Variants in TMTC1 observed in about 807,000 individuals in gnomAD.
TMTC1 encodes the protein transmembrane O-mannosyltransferase targeting cadherins 1.
In TMTC1, 73 loss-of-function variants were observed where a neutral mutation model predicts 104.8. That is an observed-to-expected ratio of 0.70 (90% CI 0.58 to 0.85). The LOEUF (loss-of-function observed/expected upper bound fraction) is 0.85. Among genes scored for constraint, TMTC1 ranks in the 40% least tolerant of loss-of-function variants. The pLI is 0.00. For synonymous variants in TMTC1, 434 were observed against 428.7 expected (o/e 1.01, Z -0.15); for missense variants, 1,035 against 1,096.1 (o/e 0.94, Z 0.79).
At chr12:29,625,237 C>T (rs1937916720) in intron 6 of TMTC1, among the ~76,000 whole-genome samples, 1 of 152,162 alleles carries the variant, frequency 6.6e-6, no homozygotes, top group African/African-American at 2.4e-5. Context: ...GTTTAATCCT[C>T]CTGTTTACTG....
chr12:29,784,696 TTTC>T (rs1446414802), upstream of TMTC1: 2 of 152,208 alleles, frequency 1.3e-5, no homozygotes, highest in Non-Finnish European at 2.9e-5. Flanking sequence ...TTCTGAAACA[TTTC>T]TTATTTTATT....
intron 1 of TMTC1, among the ~76,000 whole-genome samples, chr12:29,771,874 T>C (rs1022667657): frequency 4.6e-5 from 7 of 152,188 alleles, no homozygotes; most frequent in African/African-American, 1.7e-4. Flanking sequence ...ACAGAAATAA[T>C]GCCAAGTTCT....
chr12:29,577,144 A>AT (rs1362352221), intron 8 of TMTC1, among the ~76,000 whole-genome samples: 3 of 151,934 alleles, frequency 2.0e-5, no homozygotes, highest in Non-Finnish European at 4.4e-5. Context: ...ACAGATGCTA[A>AT]TTTTTTTTCT....
chr12:29,696,146 G>A (rs930801608), intron 5 of TMTC1, among the ~76,000 whole-genome samples: 6 of 151,824 alleles, frequency 4.0e-5, no homozygotes, highest in African/African-American at 7.3e-5. Context: ...TCTTTATTTC[G>A]ACATTATAGC....
At chr12:29,700,268 T>C (rs1941549407) in intron 5 of TMTC1, among the ~76,000 whole-genome samples, 1 of 151,028 alleles carries the variant, frequency 6.6e-6, no homozygotes, top group South Asian at 2.1e-4. Context: ...AGTCTCACTC[T>C]GTCACCCAGG....
chr12:29,779,800 A>G (rs1010072462), intron 1 of TMTC1, among the ~76,000 whole-genome samples: 7 of 150,566 alleles, frequency 4.6e-5, no homozygotes, highest in African/African-American at 1.7e-4. Context: ...ACATGTATCT[A>G]GAATATATAA....
chr12:29,781,478 G>A (rs1943835032), intron 1 of TMTC1, among the ~76,000 whole-genome samples: 1 of 151,960 alleles, frequency 6.6e-6, no homozygotes, highest in South Asian at 2.1e-4. Flanking sequence ...TTACTTCTTT[G>A]TCTACTCCCT....
chr12:29,646,350 T>C (rs1302835479), intron 5 of TMTC1, among the ~76,000 whole-genome samples: 1 of 152,218 alleles, frequency 6.6e-6, no homozygotes, highest in Non-Finnish European at 1.5e-5. Flanking sequence ...CTTGGCATTT[T>C]TTTCAGTGTG....
intron 5 of TMTC1, among the ~76,000 whole-genome samples, chr12:29,719,230 A>T (rs960166162): frequency 6.6e-6 from 1 of 152,130 alleles, no homozygotes; most frequent in Non-Finnish European, 1.5e-5. Flanking sequence ...TAATTTTGGC[A>T]TCTGGTTTTT....
At chr12:29,546,584 T>C (rs1181968411) in intron 10 of TMTC1, among the ~76,000 whole-genome samples, 2 of 152,164 alleles carry the variant, frequency 1.3e-5, no homozygotes, top group African/African-American at 4.8e-5. Flanking sequence ...TTAAAAGCCT[T>C]TTGATTATGT....
intron 5 of TMTC1, among the ~76,000 whole-genome samples, chr12:29,677,775 C>T (rs1249170837): frequency 6.6e-6 from 1 of 152,238 alleles, no homozygotes; most frequent in Non-Finnish European, 1.5e-5. Flanking sequence ...AGATCGACTG[C>T]CGCAGCATCA....
intron 5 of TMTC1, among the ~76,000 whole-genome samples, chr12:29,724,327 G>A (rs1464652804): frequency 6.6e-6 from 1 of 152,114 alleles, no homozygotes; most frequent in African/African-American, 2.4e-5. Flanking sequence ...AACCAGTTTG[G>A]GAGAAGAAAT....
intron 5 of TMTC1, among the ~76,000 whole-genome samples, chr12:29,671,172 T>C (rs1940498572): frequency 6.6e-6 from 1 of 151,068 alleles, no homozygotes; most frequent in Non-Finnish European, 1.5e-5. Flanking sequence ...GGCATGTGCC[T>C]GTAATCCCAG....
intron 7 of TMTC1, among the ~76,000 whole-genome samples, chr12:29,584,972 G>A (rs1946089294): frequency 6.7e-6 from 1 of 150,324 alleles, no homozygotes; most frequent in Non-Finnish European, 1.5e-5. Flanking sequence ...GGATGGCTGG[G>A]TCAAATGGTA....
At chr12:29,607,140 C>T (rs540116541) in intron 6 of TMTC1, among the ~76,000 whole-genome samples, 1 of 152,202 alleles carries the variant, frequency 6.6e-6, no homozygotes, top group Non-Finnish European at 1.5e-5. Context: ...TGTTCCTCCA[C>T]CAGTTTCTTC....
chr12:29,706,194 A>T (rs1565782761), intron 5 of TMTC1, among the ~76,000 whole-genome samples: 1 of 152,200 alleles, frequency 6.6e-6, no homozygotes, highest in Non-Finnish European at 1.5e-5. Flanking sequence ...AAGTTCAGAC[A>T]GAACTGCAAT....
intron 5 of TMTC1, among the ~76,000 whole-genome samples, chr12:29,672,230 T>C (rs1940545053): frequency 6.6e-6 from 1 of 152,160 alleles, no homozygotes; most frequent in Non-Finnish European, 1.5e-5. Context: ...CATCCCTGTC[T>C]TTAGGGCTCA....
At chr12:29,704,951 G>A (rs912991486) in intron 5 of TMTC1, among the ~76,000 whole-genome samples, 11 of 152,192 alleles carry the variant, frequency 7.2e-5, no homozygotes, top group African/African-American at 2.7e-4. Flanking sequence ...CTATTTATAT[G>A]TTATATGAAG....
intron 9 of TMTC1, among the ~76,000 whole-genome samples, chr12:29,564,213 C>A (rs1945450519): frequency 1.3e-5 from 2 of 152,102 alleles, no homozygotes; most frequent in African/African-American, 2.4e-5. Flanking sequence ...GTGCAGAGGG[C>A]AATTTGTGAA....
Sources: allele counts gnomAD v4.1 joint callset (sites outside exome capture counted in the v4.1 genomes callset), GRCh38; gene constraint gnomAD v4.1.1; transcripts MANE v1.5; gene names NCBI Gene and HGNC (gene_info 2026-07-23, HGNC 2026-07-21).